AFG2A: variants seen among roughly 807,000 people sequenced by gnomAD.
AFG2A encodes ATPase family gene 2 protein homolog A.
At chr4:123,283,358 A>AATGAG in the AFG2A span, among the ~76,000 whole-genome samples, 2 of 149,000 alleles carry the variant, frequency 1.3e-5, no homozygotes, top group Non-Finnish European at 3.0e-5. Flanking sequence ...GGAAAAAAAA[A>AATGAG]AGAGAGAGAG....
chr4:123,283,349 GA>G, the AFG2A span, among the ~76,000 whole-genome samples: 716 of 96,792 alleles, frequency 7.4e-3, 3 homozygotes, highest in Non-Finnish European at 8.6e-3. Context: ...GACCCGGTAG[GA>G]AAAAAAAAAG....
chr4:123,098,887 G>A, the AFG2A span, among the ~76,000 whole-genome samples: 4 of 151,942 alleles, frequency 2.6e-5, no homozygotes, highest in African/African-American at 9.7e-5. Context: ...ACTCAATAGT[G>A]GAATTGCTGG....
chr4:123,187,434 C>T, the AFG2A span, among the ~76,000 whole-genome samples: 2 of 152,154 alleles, frequency 1.3e-5, no homozygotes, highest in Non-Finnish European at 2.9e-5. Context: ...CTGAATTCTA[C>T]TTTTAACCAG....
chr4:122,947,188 T>C, the AFG2A span: 12 of 1,481,910 alleles, frequency 8.1e-6, no homozygotes, highest in African/African-American at 1.4e-4. Context: ...CTTTTTTTTT[T>C]CTAACTTTCA....
the AFG2A span, among the ~76,000 whole-genome samples, chr4:123,157,917 A>G: frequency 3.7e-4 from 57 of 152,364 alleles, no homozygotes; most frequent in East Asian, 6.2e-3. Context: ...AACTAAGTCG[A>G]TAGCATTGGG....
the AFG2A span, among the ~76,000 whole-genome samples, chr4:123,088,936 T>A: frequency 6.6e-6 from 1 of 152,204 alleles, no homozygotes; most frequent in Non-Finnish European, 1.5e-5. Context: ...TTGTTTATAG[T>A]GTTCAATGTT....
the AFG2A span, among the ~76,000 whole-genome samples, chr4:123,226,855 T>G: frequency 1.3e-5 from 2 of 152,178 alleles, no homozygotes; most frequent in Admixed American, 1.3e-4. Flanking sequence ...TTTTTTTCGT[T>G]GGTAAGCTAT....
At chr4:123,153,210 G>A in the AFG2A span, among the ~76,000 whole-genome samples, 1 of 152,096 alleles carries the variant, frequency 6.6e-6, no homozygotes, top group Non-Finnish European at 1.5e-5. Flanking sequence ...TAGCACCTTC[G>A]AACTCTTCCA....
At chr4:123,261,631 G>A in the AFG2A span, among the ~76,000 whole-genome samples, 1 of 152,008 alleles carries the variant, frequency 6.6e-6, no homozygotes, top group Non-Finnish European at 1.5e-5. Context: ...GGATACCAAG[G>A]GACAACTATA....
the AFG2A span, among the ~76,000 whole-genome samples, chr4:123,192,882 A>G: frequency 4.6e-5 from 7 of 152,366 alleles, no homozygotes; most frequent in Middle Eastern, 3.4e-3. Context: ...ATTTAAAAAT[A>G]TGTCATATTC....
the AFG2A span, among the ~76,000 whole-genome samples, chr4:123,079,021 T>C: frequency 1.3e-5 from 2 of 152,212 alleles, no homozygotes; most frequent in African/African-American, 4.8e-5. Context: ...TTGTTATTAC[T>C]GTTTTTATGA....
At chr4:123,202,839 G>A in the AFG2A span, among the ~76,000 whole-genome samples, 3 of 152,096 alleles carry the variant, frequency 2.0e-5, no homozygotes, top group African/African-American at 7.2e-5. Flanking sequence ...ACTAGTCTGT[G>A]TCCATCTCCA....
chr4:123,225,995 T>C, the AFG2A span, among the ~76,000 whole-genome samples: 49 of 152,284 alleles, frequency 3.2e-4, no homozygotes, highest in African/African-American at 1.2e-3. Context: ...AGTTCACTCA[T>C]GATTTGGTTC....
At chr4:123,109,590 A>G in the AFG2A span, among the ~76,000 whole-genome samples, 17 of 152,292 alleles carry the variant, frequency 1.1e-4, no homozygotes, top group East Asian at 1.9e-3. Flanking sequence ...GATTATATCA[A>G]TCATCTGACA....
the AFG2A span, among the ~76,000 whole-genome samples, chr4:123,204,336 A>G: frequency 6.6e-6 from 1 of 152,176 alleles, no homozygotes; most frequent in Non-Finnish European, 1.5e-5. Context: ...ATGTGACTTT[A>G]TATTCCCACC....
the AFG2A span, among the ~76,000 whole-genome samples, chr4:123,074,271 T>C: frequency 6.6e-6 from 1 of 151,872 alleles, no homozygotes; most frequent in Non-Finnish European, 1.5e-5. Context: ...ATTTTCGTAT[T>C]TTTTAATAGA....
At chr4:122,941,640 G>A in the AFG2A span, among the ~76,000 whole-genome samples, 1,376 of 122,480 alleles carry the variant, frequency 0.011, no homozygotes, top group Admixed American at 0.013. Context: ...TCTCCTGCCT[G>A]ATTGCCCTGG....
At chr4:123,203,298 T>A in the AFG2A span, among the ~76,000 whole-genome samples, 12 of 151,546 alleles carry the variant, frequency 7.9e-5, no homozygotes, top group African/African-American at 2.9e-4. Context: ...TTACAGGTGC[T>A]CTCCACCACG....
the AFG2A span, among the ~76,000 whole-genome samples, chr4:122,944,708 C>T: frequency 2.0e-5 from 3 of 152,256 alleles, no homozygotes; most frequent in Middle Eastern, 3.4e-3. Context: ...AGAGGAGAGG[C>T]ACTCTGCTTT....
Sources: gnomAD v4.1 joint callset for allele counts (sites outside exome capture counted in the v4.1 genomes callset) on GRCh38, gnomAD v4.1.1 for gene constraint, MANE v1.5 for transcripts, NCBI Gene and HGNC (gene_info 2026-07-23, HGNC 2026-07-21) for gene names.